The following VIPR2 variants were observed in gnomAD, a reference collection of about 807,000 sequenced individuals.
VIPR2 encodes vasoactive intestinal peptide receptor 2.
Under a neutral mutation model 58.0 loss-of-function variants are expected in VIPR2, and 48 were observed. That is an observed-to-expected ratio of 0.83 (90% confidence interval 0.66 to 1.05). The LOEUF is 1.05. VIPR2 is among the 50% of genes least tolerant of loss of function. VIPR2 has a pLI of 0.00. For missense variants in VIPR2, 534 were observed against 558.0 expected, an observed-to-expected ratio of 0.96 and a Z score of 0.43; for synonymous variants, 243 against 235.2, an observed-to-expected ratio of 1.03 and a Z score of -0.30.
chr7:159,043,588 C>G (rs1019181140), intron 5 of VIPR2, among the ~76,000 whole-genome samples: 1 of 152,176 alleles, frequency 6.6e-6, no homozygotes, highest in African/African-American at 2.4e-5. Flanking sequence ...GAACGCTTAG[C>G]CGGGGGAAGG....
chr7:159,063,186 G>A (rs762248938), intron 4 of VIPR2, among the ~76,000 whole-genome samples: 26 of 152,148 alleles, frequency 1.7e-4, no homozygotes, highest in Non-Finnish European at 2.8e-4. Flanking sequence ...GCGGAGCAGG[G>A]GGCGGCACTT....
chr7:159,109,705 A>G, intron 3 of VIPR2, 107 bp downstream of exon 3: 2 of 1,025,116 alleles, frequency 2.0e-6, no homozygotes, highest in South Asian at 2.8e-5. Context: ...CCAGGGTAGC[A>G]GGAGATGCCT....
At position 159,134,366 on chromosome 7, in the gene VIPR2, G is replaced by T. The variant is rs539398289; in HGVS notation, c.151+8080C>A. On this transcript the variant is annotated intron_variant, in intron 2 of 12. Coordinates refer to ENST00000262178, the MANE Select transcript of VIPR2 (RefSeq NM_003382.5). ...CAAACAACTGTATATGAAAAAAACA[G>T]AGAAAGTATGATGTGTTTTTAATAA... Among the ~76,000 whole-genome samples the T allele has an allele frequency of 9.2e-5, 14 of 152,286 alleles. No individual in the cohort carries two copies. The Middle Eastern group carries it at 0.01, about 111-fold the overall frequency.
chr7:159,104,925 C>G (rs182594784), intron 3 of VIPR2, among the ~76,000 whole-genome samples: 19 of 150,550 alleles, frequency 1.3e-4, no homozygotes, highest in African/African-American at 3.8e-4. Flanking sequence ...CCTGGCCAGG[C>G]CCTCATCACC....
chr7:159,042,014 C>T (rs1854380241), intron 6 of VIPR2, among the ~76,000 whole-genome samples: 1 of 152,144 alleles, frequency 6.6e-6, no homozygotes, highest in Non-Finnish European at 1.5e-5. Context: ...TTTGTTATCA[C>T]AGCAAATCTG....
chr7:159,052,836 A>G (rs1051540036), intron 5 of VIPR2, among the ~76,000 whole-genome samples: 9 of 152,264 alleles, frequency 5.9e-5, no homozygotes, highest in Non-Finnish European at 1.2e-4. Flanking sequence ...AAAGCCATTC[A>G]TGACTAAAAA....
At chr7:159,058,676 G>T in intron 4 of VIPR2, 98 bp from the exon 5 acceptor site, 1 of 928,550 alleles carries the variant, frequency 1.1e-6, no homozygotes, top group Non-Finnish European at 1.7e-6. Context: ...TGGCCATGAA[G>T]GACTCTTGCC....
At chr7:159,092,743 C>T (rs1052418481) in intron 4 of VIPR2, among the ~76,000 whole-genome samples, 5 of 151,310 alleles carry the variant, frequency 3.3e-5, no homozygotes, top group South Asian at 2.1e-4. Flanking sequence ...CTCCGCCTCC[C>T]GGGTTCGGCT....
intron 4 of VIPR2, among the ~76,000 whole-genome samples, chr7:159,086,510 G>T (rs1174571076): frequency 6.6e-6 from 1 of 152,260 alleles, no homozygotes. Context: ...TTTGCCCCCA[G>T]GAAGGGCTGA....
chr7:159,034,093 A>G (rs1853756405), intron 10 of VIPR2, 120 bp downstream of exon 10: 1 of 910,672 alleles, frequency 1.1e-6, no homozygotes, highest in Non-Finnish European at 1.7e-6. Context: ...CCCAGCCTCG[A>G]GGTGTGACAG....
chr7:159,100,109 C>T (rs965494272), intron 4 of VIPR2, among the ~76,000 whole-genome samples: 3 of 152,152 alleles, frequency 2.0e-5, no homozygotes, highest in African/African-American at 7.2e-5. Context: ...CCCAGCCAGG[C>T]GACTCCTGCA....
chr7:159,096,799 G>T lies in VIPR2; in HGVS notation c.357+6958C>A. 2 of 1,430,758 alleles carry T rather than the reference G, an allele frequency of 1.4e-6. No individual in the cohort carries two copies. The highest frequency in any genetic ancestry group is 9.2e-7 in the Non-Finnish European group (1 of 1,085,472). The allele number at this position is 1,430,758 out of a possible 1,614,324, so 88.6% of individuals were successfully genotyped here. A position where few individuals can be genotyped will look rare whatever the true frequency, so the allele number is the denominator to read the frequency against. On this transcript the variant is annotated intron_variant, in intron 4 of 12. Coordinates refer to ENST00000262178, the MANE Select transcript of VIPR2 (RefSeq NM_003382.5). This position sits in a 1 kb window ranked among gnomAD's most constrained non-coding sequence, Gnocchi z 5.5. ...GCCTGAGGTCAGTCTCGTGGCCCCCGCAGCAGCCACAGGCCCAGCTCTTGT... is the reference window on the plus strand; with the variant it reads ...GCCTGAGGTCAGTCTCGTGGCCCCCTCAGCAGCCACAGGCCCAGCTCTTGT...
intron 6 of VIPR2, among the ~76,000 whole-genome samples, chr7:159,039,683 A>G (rs960365231): frequency 3.3e-5 from 5 of 152,144 alleles, no homozygotes; most frequent in African/African-American, 1.2e-4. Flanking sequence ...GAGGACACAG[A>G]GAAGTCAGAC....
chr7:159,049,769 G>T (rs1854875589), intron 5 of VIPR2, among the ~76,000 whole-genome samples: 1 of 152,164 alleles, frequency 6.6e-6, no homozygotes, highest in Admixed American at 6.5e-5. Flanking sequence ...GGGCCTGAGG[G>T]TGGCAGGGTT....
At chr7:159,071,460 G>A (rs151267212) in intron 4 of VIPR2, among the ~76,000 whole-genome samples, 162 of 152,296 alleles carry the variant, frequency 1.1e-3, no homozygotes, top group African/African-American at 3.7e-3. Context: ...CCCTGGCACT[G>A]GCTTTTCCAT....
chr7:159,107,575 C>T (rs1473183700), intron 3 of VIPR2, among the ~76,000 whole-genome samples: 1 of 152,230 alleles, frequency 6.6e-6, no homozygotes, highest in Non-Finnish European at 1.5e-5. Flanking sequence ...AGAGGACTTG[C>T]ATCCCGGGTC....
intron 2 of VIPR2, among the ~76,000 whole-genome samples, chr7:159,135,286 G>T (rs1585567839): frequency 6.6e-6 from 1 of 151,420 alleles, no homozygotes; most frequent in Non-Finnish European, 1.5e-5. Flanking sequence ...CAAAAAATTA[G>T]TTGGGCATGG....
chr7:159,036,836 C>A lies in VIPR2; in HGVS notation c.664G>T (p.Val222Leu). Reference protein sequence around the residue: ...CIMANFFWLLVEGLYLHTLLV... With the variant: ...CIMANFFWLLLEGLYLHTLLV... ...AGGGTGTGGAGGTAGAGCCCCTCCACCAGCAGCCAGAAGAAGTTGGCCATG... is the reference window on the plus strand; with the variant it reads ...AGGGTGTGGAGGTAGAGCCCCTCCAACAGCAGCCAGAAGAAGTTGGCCATG... Residue 222 changes from valine (V) to leucine (L), a missense_variant, in exon 7 of 13, where the codon GTG becomes TTG. Physicochemically the swap from Val to Leu is conservative, Grantham distance 32 (BLOSUM62 1). Around this residue, in one of 3 missense-constraint regions of VIPR2, gnomAD observed 306 missense variants for 285.8 expected, o/e 1.07. Transcript: ENST00000262178. The A allele has an allele frequency of 6.2e-7, 1 of 1,613,994 alleles. No individual in the cohort carries two copies. The highest frequency in any genetic ancestry group is 8.5e-7 in the Non-Finnish European group (1 of 1,179,994).
chr7:159,067,129 AG>A lies in VIPR2; in HGVS notation c.358-8552del, dbSNP rs1405996005. ...GGCCAGTGGCTGCCACACTCGACAAAGCTCAGATAAAGAACGTTCCCATCAG... is the reference window on the plus strand; with the variant it reads ...GGCCAGTGGCTGCCACACTCGACAAACTCAGATAAAGAACGTTCCCATCAG... On this transcript the variant is annotated intron_variant, in intron 4 of 12. Coordinates refer to ENST00000262178, the MANE Select transcript of VIPR2 (RefSeq NM_003382.5). Among the ~76,000 whole-genome samples, 29 of 152,212 alleles carry A rather than the reference AG, an allele frequency of 1.9e-4. 1 individual carries two copies. The highest frequency in any genetic ancestry group is 3.5e-4 in the Non-Finnish European group (24 of 68,036).
Sources: gnomAD v4.1 joint callset for allele counts (sites outside exome capture counted in the v4.1 genomes callset) on GRCh38, gnomAD v4.1.1 for gene constraint, gnomAD v4.1.1 regional missense constraint, Gnocchi (gnomAD v3.1) non-coding constraint, MANE v1.5 for transcripts, NCBI Gene and HGNC (gene_info 2026-07-23, HGNC 2026-07-21) for gene names.